The following PRRC2B variants were observed in gnomAD, a reference collection of about 807,000 sequenced individuals.
PRRC2B encodes proline rich coiled-coil 2B, also known as protein PRRC2B.
Under a neutral mutation model 242.3 loss-of-function variants are expected in PRRC2B, and 68 were observed. The observed-to-expected ratio is 0.28, with a 90% CI of 0.23 to 0.34. The LOEUF (loss-of-function observed/expected upper bound fraction) is 0.34. Among genes scored for constraint, PRRC2B ranks in the 10% least tolerant of loss-of-function variants. The probability of loss-of-function intolerance (pLI) is 1.00; values close to 1 mark genes in which losing one functional copy is unlikely to be tolerated. For synonymous variants in PRRC2B, 1,228 were observed against 1,173.6 expected (o/e 1.05, Z -0.95); for missense variants, 2,835 against 2,954.8 (o/e 0.96, Z 0.94).
chr9:131,384,564 G>A (rs1836804297), intron 1 of PRRC2B, among the ~76,000 whole-genome samples: 1 of 152,064 alleles, frequency 6.6e-6, no homozygotes, highest in African/African-American at 2.4e-5. Context: ...GATTACAGGT[G>A]TGAGCCACTG....
chr9:131,476,994 C>T (rs544339931), intron 16 of PRRC2B, among the ~76,000 whole-genome samples: 19 of 152,334 alleles, frequency 1.2e-4, no homozygotes, highest in African/African-American at 4.3e-4. Context: ...TGTGAGGAGA[C>T]GTGGCCCCAC....
At chr9:131,434,458 G>A (rs1229645072) in intron 3 of PRRC2B, among the ~76,000 whole-genome samples, 4 of 152,248 alleles carry the variant, frequency 2.6e-5, no homozygotes, top group Non-Finnish European at 4.4e-5. Flanking sequence ...GTAGTTCTCT[G>A]CTGCCCCAGG....
chr9:131,445,402 G>T (rs1838765898), intron 6 of PRRC2B, among the ~76,000 whole-genome samples: 1 of 152,076 alleles, frequency 6.6e-6, no homozygotes, highest in South Asian at 2.1e-4. Context: ...CAGGTGATCC[G>T]CCTGTCTCAG....
chr9:131,412,343 T>A (rs1837529004), intron 1 of PRRC2B, among the ~76,000 whole-genome samples: 1 of 152,198 alleles, frequency 6.6e-6, no homozygotes, highest in South Asian at 2.1e-4. Context: ...TTCATCTGTA[T>A]AGTTGTGTAT....
At chr9:131,437,029 C>T (rs1838396817) in intron 4 of PRRC2B, among the ~76,000 whole-genome samples, 1 of 152,128 alleles carries the variant, frequency 6.6e-6, no homozygotes, top group Admixed American at 6.5e-5. Flanking sequence ...CAGACTAGTT[C>T]AGGGTGAAGC....
At position 131,475,735 on chromosome 9, in the gene PRRC2B, GCGAGCCCT is replaced by G; in HGVS notation, c.3608_3615del (p.Arg1203ProfsTer59). The G allele has an allele frequency of 6.2e-7, 1 of 1,613,366 alleles. No homozygotes were observed. Among genetic ancestry groups the G allele is most frequent in the Non-Finnish European group, 8.5e-7 (1 of 1,179,722 alleles). On this transcript the variant is annotated frameshift_variant, in exon 16 of 32. Coordinates refer to ENST00000683519, the MANE Select transcript of PRRC2B (RefSeq NM_013318.4). LOFTEE classifies it high-confidence loss of function. ...AGAGCCGAGGCCCTCGGGCCTTTGG[GCGAGCCCT>G]CCCTCCCCGGCTGAGCAATTGCGGG...
intron 9 of PRRC2B, among the ~76,000 whole-genome samples, chr9:131,453,438 C>T (rs550965569): frequency 9.2e-5 from 14 of 152,086 alleles, no homozygotes; most frequent in African/African-American, 3.4e-4. Flanking sequence ...GGATCTTGCT[C>T]TGTTGCCCAT....
At chr9:131,457,808 A>G (rs1943126009) in intron 10 of PRRC2B, among the ~76,000 whole-genome samples, 1 of 152,018 alleles carries the variant, frequency 6.6e-6, no homozygotes, top group Non-Finnish European at 1.5e-5. Flanking sequence ...ATTTCTGACA[A>G]AGTCAGATAG....
intron 18 of PRRC2B, 23 bp downstream of exon 18, chr9:131,478,642 G>GGTTGGGGGGGGGGC: frequency 2.1e-6 from 1 of 482,036 alleles, no homozygotes; most frequent in East Asian, 5.2e-5. Flanking sequence ...GGGTGGGGGG[G>GGTTGGGGGGGGGGC]CATGGGGCTG....
intron 14 of PRRC2B, among the ~76,000 whole-genome samples, chr9:131,472,494 T>G (rs929012338): frequency 2.7e-5 from 4 of 146,660 alleles, no homozygotes; most frequent in Admixed American, 6.8e-5. Flanking sequence ...TTTTTTTTTT[T>G]GAGACAGAGT....
In PRRC2B at chr9:131,482,239, A is replaced by G; in HGVS notation, c.4984-132A>G. 1 of 1,014,170 alleles carries G rather than the reference A, an allele frequency of 9.9e-7. No homozygotes were observed. Among genetic ancestry groups the G allele is most frequent in the East Asian group, 2.4e-5 (1 of 41,122 alleles). 62.8% of individuals were successfully genotyped at this position (1,014,170 alleles called of 1,614,324 possible). A position where few individuals can be genotyped will look rare whatever the true frequency, so the allele number is the denominator to read the frequency against. On this transcript the variant is annotated intron_variant, in intron 20 of 31. Transcript: ENST00000683519. This position sits in a 1 kb window ranked among gnomAD's most constrained non-coding sequence, Gnocchi z 5.2. ...TGTCAGGCATCCTCAGCAGGGCAGG[A>G]TCAAGATCAGGACCAGACTTGGCAA...
At position 131,454,297 on chromosome 9, in the gene PRRC2B, C is replaced by T. The variant is rs116611451; in HGVS notation, c.1121-779C>T. Among the ~76,000 whole-genome samples the T allele has an allele frequency of 3.5e-3, 537 of 152,364 alleles. 4 individuals are homozygous for T. The highest frequency in any genetic ancestry group is 0.012 in the African/African-American group (512 of 41,586). On this transcript the variant is annotated intron_variant, in intron 9 of 31. Coordinates refer to ENST00000683519, the MANE Select transcript of PRRC2B (RefSeq NM_013318.4). Reference sequence around the variant, plus strand: ...GATGGATACTTTCTGCCATCTGAGCCACTTGGGCTGATCAGTGCCTGGGGC... The same window carrying T: ...GATGGATACTTTCTGCCATCTGAGCTACTTGGGCTGATCAGTGCCTGGGGC...
Position 131,475,056 on chromosome 9 carries a change from A to G in PRRC2B, c.2927A>G (p.Glu976Gly). ...LGEESTRLAK[E>G]KEQSPTAEKD... ...GAGGAGAGTACCCGGCTGGCCAAGG[A>G]GAAGGAGCAGAGCCCCACGGCAGAA... is the stretch of plus-strand genomic sequence containing the variant. The change falls in exon 16 of 32, where the codon GAG becomes GGG. Residue 976 changes from glutamate (E) to glycine (G), a missense_variant. Coordinates refer to ENST00000683519, the MANE Select transcript of PRRC2B (RefSeq NM_013318.4). 6.2e-7 allele frequency: 1 copy of G among 1,610,620 alleles called. No individual in the cohort carries two copies. Among genetic ancestry groups the G allele is most frequent in the Non-Finnish European group, 8.5e-7 (1 of 1,178,330 alleles).
chr9:131,423,026 C>G (rs1490765674), intron 1 of PRRC2B, among the ~76,000 whole-genome samples: 1 of 152,278 alleles, frequency 6.6e-6, no homozygotes, highest in East Asian at 1.9e-4. Context: ...CAAGGGGGCA[C>G]ATAGGCTGGA....
intron 1 of PRRC2B, among the ~76,000 whole-genome samples, chr9:131,401,612 A>T (rs935667530): frequency 6.6e-6 from 1 of 151,482 alleles, no homozygotes; most frequent in Non-Finnish European, 1.5e-5. Context: ...CAGCCTCCCA[A>T]AGTGCTGGGA....
upstream of PRRC2B, among the ~76,000 whole-genome samples, chr9:131,392,421 GT>G (rs1836915175): frequency 6.6e-6 from 1 of 152,108 alleles, no homozygotes; most frequent in Admixed American, 6.6e-5. Context: ...CTGAGGCTCA[GT>G]TTATTTATTT....
In PRRC2B at chr9:131,477,053, G is replaced by A. The variant is rs945647889; in HGVS notation, c.4406+518G>A. 2.0e-5 allele frequency among the ~76,000 whole-genome samples: 3 copies of A among 152,232 alleles called. No homozygotes were observed. In the South Asian group the frequency reaches 6.2e-4, roughly 32 times the overall value. ...GCAGGAGCCCAGCAAACGCAGAGGG[G>A]AGCAGGCTGCACATGGTCTGGCGAG... On this transcript the variant is annotated intron_variant, in intron 16 of 31. Transcript: ENST00000683519.
chr9:131,430,044 T>TTTTTTTTTTCTCTCTC (rs1206747856), intron 1 of PRRC2B, 50 bp from the exon 2 acceptor site: 2 of 657,672 alleles, frequency 3.0e-6, no homozygotes, highest in African/African-American at 3.7e-5. Context: ...TGACACTCTT[T>TTTTTTTTTTCTCTCTC]TTTTTTTTTC....
In PRRC2B at chr9:131,491,441, C is replaced by T; in HGVS notation, c.6242C>T (p.Pro2081Leu). 6.2e-7 allele frequency: 1 copy of T among 1,606,216 alleles called. No homozygotes were observed. Among genetic ancestry groups the T allele is most frequent in the Non-Finnish European group, 8.5e-7 (1 of 1,176,630 alleles). ...GCCCAGCAGCTGACCATGCCACTGC[C>T]TCGGTACGGCTCCGGGCAGCAGCCA... ...SQLPQLTMPLPRYGSGQQPLI... is the reference protein window; with the variant it reads ...SQLPQLTMPLLRYGSGQQPLI... The change falls in exon 29 of 32, where the codon CCT becomes CTT. Residue 2081 changes from proline to leucine, a missense_variant. Pro to Leu is a moderately conservative substitution (Grantham distance 98). Coordinates refer to ENST00000683519, the MANE Select transcript of PRRC2B (RefSeq NM_013318.4).
Sources: allele counts gnomAD v4.1 joint callset (sites outside exome capture counted in the v4.1 genomes callset), GRCh38; gene constraint gnomAD v4.1.1; non-coding constraint Gnocchi (gnomAD v3.1); transcripts MANE v1.5; gene names NCBI Gene and HGNC (gene_info 2026-07-23, HGNC 2026-07-21).